ZNF362: variants seen among roughly 807,000 people sequenced by gnomAD.
The protein encoded by ZNF362 is zinc finger protein 362.
A neutral mutation model predicts 42.9 loss-of-function variants in ZNF362; 11 were observed. The observed-to-expected ratio is 0.26, with a 90% CI of 0.16 to 0.42. The LOEUF is 0.42. Among genes scored for constraint, ZNF362 ranks in the 20% least tolerant of loss-of-function variants. The probability of loss-of-function intolerance (pLI) is 1.00; values close to 1 mark genes in which losing one functional copy is unlikely to be tolerated. For synonymous variants in ZNF362, 255 were observed against 257.3 expected (o/e 0.99, Z 0.09); for missense variants, 362 against 576.2 (o/e 0.63, Z 3.81).
chr1:33,297,121 G>A (rs903125505), intron 8 of ZNF362, among the ~76,000 whole-genome samples: 1 of 152,144 alleles, frequency 6.6e-6, no homozygotes, highest in African/African-American at 2.4e-5. Flanking sequence ...TCAAAGGGCA[G>A]AGGAGGGTCA....
chr1:33,155,458 C>A, the ZNF362 span, among the ~76,000 whole-genome samples: 1 of 151,992 alleles, frequency 6.6e-6, no homozygotes. Flanking sequence ...AACTCTGACC[C>A]CTGTGTGACC....
chr1:33,232,596 C>A, the ZNF362 span, among the ~76,000 whole-genome samples: 1 of 152,246 alleles, frequency 6.6e-6, no homozygotes, highest in South Asian at 2.1e-4. Flanking sequence ...GTCATGTCTG[C>A]GGATGGTGGC....
At chr1:33,165,238 G>A in the ZNF362 span, 6 of 429,340 alleles carry the variant, frequency 1.4e-5, no homozygotes, top group South Asian at 1.6e-4. The surrounding 1 kb of genome is among the most constrained non-coding windows in gnomAD (Gnocchi z 4.0). Flanking sequence ...CTTAACCGAG[G>A]GACCAGCCCA....
rs530482366 is a variant in ZNF362, at chr1:33,275,777, C to T, written c.39-323C>T. 1.6e-4 allele frequency among the ~76,000 whole-genome samples: 25 copies of T among 152,184 alleles called. No homozygotes were observed. The East Asian group carries it at 4.5e-3, about 27-fold the overall frequency. On this transcript the variant is annotated intron_variant, in intron 2 of 8. Transcript: ENST00000539719. ...GGGGTTGGCACAGCAGCCTGGGGCC[C>T]TCCTGGGGGATGGAGATTGGTTGGC...
At chr1:33,147,410 C>A in the ZNF362 span, 1 of 1,614,156 alleles carries the variant, frequency 6.2e-7, no homozygotes, top group South Asian at 1.1e-5. This position sits in a 1 kb window ranked among gnomAD's most constrained non-coding sequence, Gnocchi z 8.1. Context: ...TCCGTGCAGG[C>A]GCTGTACTGG....
intron 1 of ZNF362, 122 bp from the exon 2 acceptor site, chr1:33,270,365 T>G: frequency 1.9e-6 from 1 of 517,052 alleles, no homozygotes; most frequent in Non-Finnish European, 3.5e-6. Context: ...CTCAGAGTCA[T>G]TGGGAAGATT....
intron 1 of ZNF362, among the ~76,000 whole-genome samples, chr1:33,258,767 T>G (rs1376621064): frequency 1.3e-5 from 2 of 152,154 alleles, no homozygotes; most frequent in Non-Finnish European, 2.9e-5. Context: ...GAATTGAACT[T>G]CACAGTTTTC....
At chr1:33,288,882 G>A (rs1272664143) in intron 6 of ZNF362, among the ~76,000 whole-genome samples, 11 of 152,054 alleles carry the variant, frequency 7.2e-5, no homozygotes, top group Admixed American at 3.9e-4. Flanking sequence ...TGTTAGAATT[G>A]AGGGCTTAGG....
chr1:33,291,996 AG>A (rs753109953), intron 6 of ZNF362, among the ~76,000 whole-genome samples: 1,544 of 152,334 alleles, frequency 0.01, 10 homozygotes, highest in Admixed American at 0.015. Context: ...CTAGATATAC[AG>A]TCATGTCATC....
At chr1:33,205,915 CA>C in the ZNF362 span, among the ~76,000 whole-genome samples, 32 of 137,594 alleles carry the variant, frequency 2.3e-4, no homozygotes, top group African/African-American at 4.6e-4. Context: ...GACTCTGTCT[CA>C]AAAAAAAAAT....
chr1:33,292,529 C>CT (rs919874463), intron 6 of ZNF362, among the ~76,000 whole-genome samples: 6 of 152,078 alleles, frequency 3.9e-5, no homozygotes, highest in South Asian at 2.1e-4. Context: ...CTAAAATTCT[C>CT]TTTTTTTTGT....
intron 1 of ZNF362, among the ~76,000 whole-genome samples, chr1:33,259,535 T>G (rs1031533792): frequency 3.3e-5 from 5 of 152,198 alleles, no homozygotes. Flanking sequence ...GGCTATTTTA[T>G]TCATTCATTT....
At position 33,266,390 on chromosome 1, in the gene ZNF362, C is replaced by A. The variant is rs568620343; in HGVS notation, c.-88-4097C>A. On this transcript the variant is annotated intron_variant, in intron 1 of 8. Coordinates refer to ENST00000539719, the MANE Select transcript of ZNF362 (RefSeq NM_152493.3). This position sits in a 1 kb window ranked among gnomAD's most constrained non-coding sequence, Gnocchi z 4.3. ...CTGGCGCTGGGCTCTGGGGCTGCAG[C>A]AGTGACGGCTGATGGGGAGACAGGC... 6.6e-6 allele frequency among the ~76,000 whole-genome samples: 1 copy of A among 152,336 alleles called. No individual in the cohort carries two copies. The highest frequency in any genetic ancestry group is 1.5e-5 in the Non-Finnish European group (1 of 68,026).
At chr1:33,167,322 G>C in the ZNF362 span, among the ~76,000 whole-genome samples, 1 of 152,192 alleles carries the variant, frequency 6.6e-6, no homozygotes, top group Non-Finnish European at 1.5e-5. The surrounding 1 kb of genome is among the most constrained non-coding windows in gnomAD (Gnocchi z 4.2). Flanking sequence ...AGTTTCATGA[G>C]AGTAGTAGGA....
chr1:33,143,846 C>T, the ZNF362 span, among the ~76,000 whole-genome samples: 1 of 152,224 alleles, frequency 6.6e-6, no homozygotes, highest in East Asian at 1.9e-4. Flanking sequence ...ATGGAAGAAG[C>T]TACTTCCCTC....
At chr1:33,146,905 G>C in the ZNF362 span, 1 of 487,678 alleles carries the variant, frequency 2.1e-6, no homozygotes, top group Non-Finnish European at 3.7e-6. Context: ...GATGAGGGTT[G>C]GGCAGGGGTT....
chr1:33,231,872 C>T, the ZNF362 span, among the ~76,000 whole-genome samples: 1 of 152,156 alleles, frequency 6.6e-6, no homozygotes, highest in South Asian at 2.1e-4. Context: ...TCATCCTGTC[C>T]TGACATCAAG....
chr1:33,254,862 CTT>C (rs1360844515), upstream of ZNF362, among the ~76,000 whole-genome samples: 4 of 152,104 alleles, frequency 2.6e-5, no homozygotes, highest in African/African-American at 4.8e-5. Context: ...CAATTTGTCT[CTT>C]CTCTCCCGTT....
chr1:33,192,901 T>C, the ZNF362 span, among the ~76,000 whole-genome samples: 3 of 150,850 alleles, frequency 2.0e-5, no homozygotes, highest in African/African-American at 7.3e-5. Flanking sequence ...TATTCCAAAA[T>C]AAAAAGTTAA....
Sources: allele counts gnomAD v4.1 joint callset (sites outside exome capture counted in the v4.1 genomes callset), GRCh38; gene constraint gnomAD v4.1.1; non-coding constraint Gnocchi (gnomAD v3.1); transcripts MANE v1.5; gene names NCBI Gene and HGNC (gene_info 2026-07-23, HGNC 2026-07-21).